SNRK: variants seen among roughly 807,000 people sequenced by gnomAD.
SNRK encodes the protein SNF related kinase.
A neutral mutation model predicts 48.2 loss-of-function variants in SNRK; 3 were observed. The observed-to-expected ratio is 0.06, with a 90% CI of 0.03 to 0.16. The LOEUF (loss-of-function observed/expected upper bound fraction) is 0.16. Ranked by LOEUF, SNRK falls within the 10% of genes least tolerant of loss-of-function variation. The probability of loss-of-function intolerance (pLI) is 1.00; values close to 1 mark genes in which losing one functional copy is unlikely to be tolerated. For missense variants in SNRK, 627 were observed against 976.0 expected, an observed-to-expected ratio of 0.64 and a Z score of 4.76; for synonymous variants, 376 against 366.1, an observed-to-expected ratio of 1.03 and a Z score of -0.31.
chr3:43,302,669 G>A (rs1260630066), intron 2 of SNRK, among the ~76,000 whole-genome samples: 1 of 150,604 alleles, frequency 6.6e-6, no homozygotes, highest in Middle Eastern at 3.2e-3. Flanking sequence ...CTTAAAGGAA[G>A]TGGTGTTGGT....
chr3:43,313,481 C>A (rs1386357873), intron 3 of SNRK, among the ~76,000 whole-genome samples: 1 of 152,142 alleles, frequency 6.6e-6, no homozygotes, highest in Non-Finnish European at 1.5e-5. Context: ...TTATAAAATT[C>A]TCTTGATATA....
At chr3:43,332,662 A>G (rs2091155542) in intron 4 of SNRK, 1 of 161,210 alleles carries the variant, frequency 6.2e-6, no homozygotes, top group African/African-American at 2.4e-5. Context: ...ATGAGCAAAA[A>G]GCAAGATCAC....
At position 43,299,747 on chromosome 3, in the gene SNRK, C is replaced by CTT. The variant is rs1043351765; in HGVS notation, c.-168-4_-168-3dup. ...AAACCTGTATCTTTTTCTTTATTTTCTTTTAGGAAAAAGAAGCAACTAACA... is the reference window on the plus strand; with the variant it reads ...AAACCTGTATCTTTTTCTTTATTTTCTTTTTTAGGAAAAAGAAGCAACTAACA... On this transcript the variant is annotated splice_polypyrimidine_tract_variant and splice_region_variant and intron_variant, in intron 1 of 6. Coordinates refer to ENST00000296088, the MANE Select transcript of SNRK (RefSeq NM_017719.5). 2 of 152,534 alleles carry CTT rather than the reference C, an allele frequency of 1.3e-5. No individual in the cohort carries two copies. The highest frequency in any genetic ancestry group is 2.9e-5 in the Non-Finnish European group (2 of 67,994). The allele number at this position is 152,534 out of a possible 1,614,324, so 9.4% of individuals were successfully genotyped here. A position where few individuals can be genotyped will look rare whatever the true frequency, so the allele number is the denominator to read the frequency against.
At chr3:43,325,914 T>C (rs1281842451) in intron 3 of SNRK, among the ~76,000 whole-genome samples, 1 of 152,146 alleles carries the variant, frequency 6.6e-6, no homozygotes, top group Non-Finnish European at 1.5e-5. Flanking sequence ...CTATTTTCAT[T>C]AGGCCACACT....
chr3:43,308,574 A>G (rs2090955822), intron 3 of SNRK, among the ~76,000 whole-genome samples: 1 of 152,218 alleles, frequency 6.6e-6, no homozygotes, highest in Non-Finnish European at 1.5e-5. Context: ...GAATGACAAC[A>G]CATCTGTTTA....
At chr3:43,289,291 G>C (rs2090791031) in intron 1 of SNRK, among the ~76,000 whole-genome samples, 1 of 152,146 alleles carries the variant, frequency 6.6e-6, no homozygotes, top group African/African-American at 2.4e-5. Context: ...GGGGTTCAGG[G>C]AGGGTGAGAA....
intron 5 of SNRK, chr3:43,340,786 T>C (rs2125645755): frequency 2.5e-6 from 1 of 406,170 alleles, no homozygotes; most frequent in South Asian, 2.7e-5. Flanking sequence ...TTGTTTTGTA[T>C]CCCAGTATGT....
In SNRK at chr3:43,348,502, C is replaced by G; in HGVS notation, c.2243C>G (p.Pro748Arg). The change falls in exon 7 of 7, where the codon CCT becomes CGT. Residue 748 changes from proline to arginine, a missense_variant. Pro to Arg is a moderately radical substitution (Grantham distance 103). Transcript: ENST00000296088. ...KTISVNIQRNPKEGLLCASSP... is the reference protein window; with the variant it reads ...KTISVNIQRNRKEGLLCASSP... ...ATCTCTGTGAACATCCAGCGGAACC[C>G]TAAGGAGGGGCTGCTGTGCGCATCC... 2 of 1,578,980 alleles carry G rather than the reference C, an allele frequency of 1.3e-6. No homozygotes were observed. The highest frequency in any genetic ancestry group is 1.7e-6 in the Non-Finnish European group (2 of 1,164,680).
At chr3:43,325,063 C>A (rs181603614) in intron 3 of SNRK, among the ~76,000 whole-genome samples, 30 of 152,208 alleles carry the variant, frequency 2.0e-4, no homozygotes, top group Non-Finnish European at 3.5e-4. Flanking sequence ...TCTTAGCCTG[C>A]CATTTGCAGC....
At chr3:43,310,947 G>A (rs1181922889) in intron 3 of SNRK, among the ~76,000 whole-genome samples, 1 of 152,084 alleles carries the variant, frequency 6.6e-6, no homozygotes, top group African/African-American at 2.4e-5. Context: ...TCTTGGGGAT[G>A]TTAGTTGTTT....
At chr3:43,289,850 G>C (rs2090796602) in intron 1 of SNRK, 1 of 152,586 alleles carries the variant, frequency 6.6e-6, no homozygotes, top group Non-Finnish European at 1.5e-5. Context: ...ATGCCCCCTA[G>C]TCTGCTGCCA....
At position 43,348,094 on chromosome 3, in the gene SNRK, C is replaced by T. The variant is rs776129453; in HGVS notation, c.1835C>T (p.Ser612Leu). The change falls in exon 7 of 7, where the codon TCG (serine) becomes TTG (leucine). Residue 612 changes from serine (S) to leucine (L), a missense_variant. By Grantham distance (145) the Ser-to-Leu change is moderately radical (BLOSUM62 -2). Coordinates refer to ENST00000296088, the MANE Select transcript of SNRK (RefSeq NM_017719.5). ...GGTGGGGGCAGTCCCTCCAGCGGCT[C>T]GGGTGGCAACCCCACCAATACATCG... Reference protein sequence around the residue: ...NAGGGSPSSGSGGNPTNTSGT... With the variant: ...NAGGGSPSSGLGGNPTNTSGT... 7 of 1,588,350 alleles carry T rather than the reference C, an allele frequency of 4.4e-6. No homozygotes were observed. The highest frequency in any genetic ancestry group is 2.7e-5 in the African/African-American group (2 of 74,276).
intron 3 of SNRK, among the ~76,000 whole-genome samples, chr3:43,305,142 A>G (rs1347574590): frequency 6.6e-6 from 1 of 152,218 alleles, no homozygotes; most frequent in Non-Finnish European, 1.5e-5. Context: ...GAAGTCAGAC[A>G]AAACTAAGTG....
chr3:43,320,930 GTTTTTT>G (rs11327863), intron 3 of SNRK, among the ~76,000 whole-genome samples: 3 of 133,534 alleles, frequency 2.2e-5, no homozygotes, highest in African/African-American at 8.4e-5. Flanking sequence ...TTTTTTCAAG[GTTTTTT>G]TTTTTTTTTT....
chr3:43,297,164 A>T (rs1309473248), intron 1 of SNRK, among the ~76,000 whole-genome samples: 1 of 152,304 alleles, frequency 6.6e-6, no homozygotes, highest in South Asian at 2.1e-4. Context: ...GCATGGGAAA[A>T]TGTTCAGTTT....
At chr3:43,298,689 T>C (rs564805928) in intron 1 of SNRK, among the ~76,000 whole-genome samples, 18 of 152,364 alleles carry the variant, frequency 1.2e-4, no homozygotes, top group African/African-American at 4.3e-4. Flanking sequence ...ATAATGTGAA[T>C]GTTTAGGCCT....
At chr3:43,297,336 CTAAA>C (rs532243089) in intron 1 of SNRK, among the ~76,000 whole-genome samples, 215 of 152,212 alleles carry the variant, frequency 1.4e-3, no homozygotes, top group African/African-American at 3.5e-3. Flanking sequence ...TATGCATTTT[CTAAA>C]CTTTCTAAAG....
At chr3:43,333,358 C>CAAAAAAAAAAAA (rs33994267) in intron 4 of SNRK, 1 of 62,294 alleles carries the variant, frequency 1.6e-5, no homozygotes, top group Admixed American at 2.7e-4. Context: ...GACTCTGTCT[C>CAAAAAAAAAAAA]AAAAAAAAAA....
intron 3 of SNRK, among the ~76,000 whole-genome samples, chr3:43,324,084 G>A (rs1351240582): frequency 3.3e-5 from 5 of 152,166 alleles, no homozygotes; most frequent in Non-Finnish European, 2.9e-5. Flanking sequence ...ATACCTTAAA[G>A]AAATTAGGGA....
Sources: gnomAD v4.1 joint callset for allele counts (sites outside exome capture counted in the v4.1 genomes callset) on GRCh38, gnomAD v4.1.1 for gene constraint, MANE v1.5 for transcripts, NCBI Gene and HGNC (gene_info 2026-07-23, HGNC 2026-07-21) for gene names.